Variants in RARB observed in about 807,000 individuals in gnomAD.
RARB encodes retinoic acid receptor beta.
A neutral mutation model predicts 51.9 loss-of-function variants in RARB; 17 were observed. The observed-to-expected ratio is 0.33, with a 90% CI of 0.22 to 0.49. RARB has a LOEUF of 0.49. Ranked by LOEUF, RARB falls within the 20% of genes least tolerant of loss-of-function variation. The pLI is 0.99. For missense variants in RARB, 369 were observed against 550.8 expected, an observed-to-expected ratio of 0.67 and a Z score of 3.30; for synonymous variants, 215 against 195.4, an observed-to-expected ratio of 1.10 and a Z score of -0.84.
chr3:25,203,797 A>G (rs978341136), intron 5 of RARB, among the ~76,000 whole-genome samples: 4 of 152,214 alleles, frequency 2.6e-5, no homozygotes, highest in Admixed American at 6.5e-5. Flanking sequence ...CTGTCAAGAA[A>G]TCTACTATTA....
At chr3:25,385,757 C>G (rs1290941700) in intron 5 of RARB, among the ~76,000 whole-genome samples, 1 of 152,136 alleles carries the variant, frequency 6.6e-6, no homozygotes, top group Non-Finnish European at 1.5e-5. Flanking sequence ...TCCTTCATTC[C>G]CTTTCTGTTA....
chr3:25,102,957 G>A (rs1699432361), intron 3 of RARB, among the ~76,000 whole-genome samples: 1 of 152,172 alleles, frequency 6.6e-6, no homozygotes, highest in African/African-American at 2.4e-5. Flanking sequence ...TAGATGAGCA[G>A]GAGAATCAAT....
At chr3:24,876,272 T>C (rs1054267267) in intron 2 of RARB, among the ~76,000 whole-genome samples, 3 of 152,178 alleles carry the variant, frequency 2.0e-5, no homozygotes, top group Admixed American at 1.3e-4. Context: ...AACTTTGAAC[T>C]GCTAATTTTA....
At chr3:25,132,569 G>A (rs1306205524) in intron 4 of RARB, among the ~76,000 whole-genome samples, 2 of 151,772 alleles carry the variant, frequency 1.3e-5, no homozygotes, top group African/African-American at 2.4e-5. Flanking sequence ...AAAACGTTAT[G>A]CTTGGCACTT....
At chr3:25,350,274 G>A (rs1705522426) in intron 5 of RARB, among the ~76,000 whole-genome samples, 1 of 152,278 alleles carries the variant, frequency 6.6e-6, no homozygotes, top group East Asian at 1.9e-4. Context: ...CTGAAGTCAT[G>A]ATGATGCTGG....
intron 1 of RARB, among the ~76,000 whole-genome samples, chr3:25,441,011 T>C (rs1575405943): frequency 6.9e-6 from 1 of 145,900 alleles, no homozygotes; most frequent in Non-Finnish European, 1.5e-5. Context: ...ATCATATACC[T>C]AGGTACCTTT....
At chr3:25,107,609 T>C (rs962426134) in intron 3 of RARB, among the ~76,000 whole-genome samples, 2 of 152,174 alleles carry the variant, frequency 1.3e-5, no homozygotes, top group African/African-American at 4.8e-5. Flanking sequence ...CCACAAGTAG[T>C]ACTGAACCCT....
intron 2 of RARB, among the ~76,000 whole-genome samples, chr3:24,977,385 A>C (rs1310488850): frequency 2.6e-5 from 4 of 152,162 alleles, no homozygotes; most frequent in Non-Finnish European, 4.4e-5. Context: ...GATTCTTCCT[A>C]CCCATGAGCG....
chr3:24,959,518 CG>C (rs1696093612), intron 2 of RARB, among the ~76,000 whole-genome samples: 1 of 152,032 alleles, frequency 6.6e-6, no homozygotes, highest in Non-Finnish European at 1.5e-5. Context: ...TGGAGTGGGG[CG>C]GGGTAGGCCA....
At chr3:25,023,406 A>G (rs142660580) in intron 2 of RARB, among the ~76,000 whole-genome samples, 118 of 152,292 alleles carry the variant, frequency 7.7e-4, no homozygotes, top group Non-Finnish European at 1.5e-3. Flanking sequence ...TGAGGTTAAG[A>G]CGAATGTTGG....
intron 1 of RARB, among the ~76,000 whole-genome samples, chr3:24,852,798 C>A (rs1174749556): frequency 6.6e-6 from 1 of 152,034 alleles, no homozygotes; most frequent in East Asian, 1.9e-4. Flanking sequence ...TCAAAAAAGG[C>A]AAATCTACAG....
At chr3:24,937,488 T>C (rs1695570200) in intron 2 of RARB, among the ~76,000 whole-genome samples, 1 of 152,174 alleles carries the variant, frequency 6.6e-6, no homozygotes. Context: ...CATGTACATA[T>C]GTGCCAGATG....
At chr3:25,594,275 AG>A (rs1329054409) in intron 6 of RARB, among the ~76,000 whole-genome samples, 1 of 152,158 alleles carries the variant, frequency 6.6e-6, no homozygotes, top group African/African-American at 2.4e-5. Context: ...TTCTGGTCAA[AG>A]GAGGTAATTC....
intron 2 of RARB, among the ~76,000 whole-genome samples, chr3:24,935,686 G>A (rs545016413): frequency 5.9e-5 from 9 of 152,246 alleles, no homozygotes; most frequent in Admixed American, 3.9e-4. Context: ...ATGGGAAATC[G>A]GTGGAGTGTT....
chr3:25,250,391 G>A (rs911601912), intron 5 of RARB, among the ~76,000 whole-genome samples: 1 of 152,166 alleles, frequency 6.6e-6, no homozygotes, highest in African/African-American at 2.4e-5. Context: ...GGGCAGCAGT[G>A]GTTGTGCTGC....
intron 5 of RARB, among the ~76,000 whole-genome samples, chr3:25,313,651 C>T (rs1223790896): frequency 3.3e-5 from 5 of 152,176 alleles, no homozygotes; most frequent in African/African-American, 1.2e-4. Context: ...AATTCATTTC[C>T]TAAGCTCCTG....
At chr3:24,975,072 G>T (rs1696482483) in intron 2 of RARB, among the ~76,000 whole-genome samples, 1 of 152,106 alleles carries the variant, frequency 6.6e-6, no homozygotes, top group African/African-American at 2.4e-5. Flanking sequence ...GTTGAAATGA[G>T]TTCCTGAAAT....
chr3:25,379,668 A>G (rs770599217), intron 5 of RARB, among the ~76,000 whole-genome samples: 16 of 152,228 alleles, frequency 1.1e-4, no homozygotes, highest in East Asian at 7.7e-4. Context: ...GAACTAGGGC[A>G]CAGTTGCTAC....
intron 1 of RARB, among the ~76,000 whole-genome samples, chr3:25,453,243 C>CTTTTTTTT (rs758275411): frequency 1.3e-4 from 11 of 81,984 alleles, no homozygotes; most frequent in African/African-American, 5.5e-4. Flanking sequence ...CAAGATTCTG[C>CTTTTTTTT]TTTTTTTTTT....
Sources: gnomAD v4.1 joint callset for allele counts (sites outside exome capture counted in the v4.1 genomes callset) on GRCh38, gnomAD v4.1.1 for gene constraint, MANE v1.5 for transcripts, NCBI Gene and HGNC (gene_info 2026-07-23, HGNC 2026-07-21) for gene names.